CALN1: variants seen among roughly 807,000 people sequenced by gnomAD.
CALN1 encodes calcium-binding protein 8.
A neutral mutation model predicts 30.6 loss-of-function variants in CALN1; 17 were observed. The observed-to-expected ratio is 0.56, with a 90% CI of 0.38 to 0.83. CALN1 has a LOEUF of 0.83. Ranked by LOEUF, CALN1 falls within the 40% of genes least tolerant of loss-of-function variation. The pLI, the probability that CALN1 is intolerant of heterozygous loss-of-function variation, is 0.00. For missense variants in CALN1, 291 were observed against 354.9 expected (o/e 0.82, Z 1.45); for synonymous variants, 156 against 131.4 (o/e 1.19, Z -1.28).
intron 3 of CALN1, among the ~76,000 whole-genome samples, chr7:72,174,591 T>G (rs1384844994): frequency 6.6e-6 from 1 of 152,096 alleles, no homozygotes; most frequent in South Asian, 2.1e-4. Context: ...AAACTACAGA[T>G]ACATAACAAC....
chr7:72,238,055 G>A (rs1300495012), intron 3 of CALN1, among the ~76,000 whole-genome samples: 2 of 152,144 alleles, frequency 1.3e-5, no homozygotes, highest in East Asian at 3.9e-4. Context: ...AAACAAGGAA[G>A]CCCTACAGAA....
At chr7:72,045,600 C>T (rs189026818) in intron 4 of CALN1, among the ~76,000 whole-genome samples, 16 of 152,282 alleles carry the variant, frequency 1.1e-4, no homozygotes, top group Admixed American at 7.9e-4. Context: ...ACAATCACAG[C>T]TGACTGCAGC....
chr7:72,436,979 A>C (rs888660694), intron 1 of CALN1, among the ~76,000 whole-genome samples: 2 of 151,870 alleles, frequency 1.3e-5, no homozygotes, highest in African/African-American at 4.8e-5. Flanking sequence ...CTAAGCAGGG[A>C]GGCTTGAGCT....
rs1034014808 is a variant in CALN1, at chr7:72,403,250, C to G, written c.119+1G>C. 1.9e-5 allele frequency: 29 copies of G among 1,547,986 alleles called. No individual in the cohort carries two copies. Among genetic ancestry groups the G allele is most frequent in the Non-Finnish European group, 2.4e-5 (28 of 1,146,242 alleles). On this transcript the variant is annotated splice_donor_variant, in intron 2 of 6. Transcript: ENST00000395275. LOFTEE classifies it high-confidence loss of function. ...CTTGGGTTTGGGGGAAGAAGACTTG[C>G]CAGGTGGGGAAGTCGGGGGCCTGGC...
intron 6 of CALN1, among the ~76,000 whole-genome samples, chr7:71,794,077 T>C (rs1418993740): frequency 1.3e-5 from 2 of 152,118 alleles, no homozygotes; most frequent in Non-Finnish European, 2.9e-5. Context: ...AGAGGTTGCA[T>C]AGTGGCAGAT....
At chr7:72,208,190 T>C (rs961216224) in intron 3 of CALN1, among the ~76,000 whole-genome samples, 1 of 152,218 alleles carries the variant, frequency 6.6e-6, no homozygotes, top group Admixed American at 6.5e-5. Context: ...AAAATCCTGA[T>C]TCACATAGAT....
intron 5 of CALN1, among the ~76,000 whole-genome samples, chr7:71,811,016 T>C (rs1787921533): frequency 6.6e-6 from 1 of 151,194 alleles, no homozygotes; most frequent in African/African-American, 2.4e-5. Flanking sequence ...TGCCTCAGCC[T>C]CCGTAGTAGC....
At chr7:72,484,828 A>G in the CALN1 span, among the ~76,000 whole-genome samples, 3 of 151,984 alleles carry the variant, frequency 2.0e-5, no homozygotes, top group Non-Finnish European at 4.4e-5. Flanking sequence ...ATCTCATTTC[A>G]TCTCTTAGGG....
intron 3 of CALN1, among the ~76,000 whole-genome samples, chr7:72,193,582 CAT>C (rs1790777437): frequency 1.3e-5 from 2 of 152,130 alleles, no homozygotes. Flanking sequence ...GCCCACTACA[CAT>C]GTGGGCTAGA....
intron 2 of CALN1, among the ~76,000 whole-genome samples, chr7:72,331,901 G>C (rs1164808420): frequency 6.6e-6 from 1 of 152,084 alleles, no homozygotes; most frequent in Non-Finnish European, 1.5e-5. Context: ...GCATCCCCAT[G>C]GGTCCATATG....
intron 2 of CALN1, among the ~76,000 whole-genome samples, chr7:72,297,386 CAATA>C (rs942516785): frequency 2.0e-5 from 3 of 151,804 alleles, no homozygotes; most frequent in African/African-American, 7.3e-5. Context: ...AGAACAAAAC[CAATA>C]AACAACAAAT....
chr7:72,294,100 C>A lies in CALN1; in HGVS notation c.120-15290G>T, dbSNP rs903965677. On this transcript the variant is annotated intron_variant, in intron 2 of 6. Coordinates refer to ENST00000395275, the MANE Select transcript of CALN1 (RefSeq NM_031468.4). ...GCGACAGAGCATATCCACAAAAAAA[C>A]AAAATGAGATTCAGTTTCCTTCAGA... 6.6e-5 allele frequency among the ~76,000 whole-genome samples: 10 copies of A among 151,862 alleles called. 1 individual carries two copies. Among genetic ancestry groups the A allele is most frequent in the African/African-American group, 1.7e-4 (7 of 41,382 alleles).
chr7:72,356,491 G>C (rs1048666799), intron 2 of CALN1, among the ~76,000 whole-genome samples: 6 of 151,786 alleles, frequency 4.0e-5, no homozygotes, highest in African/African-American at 1.5e-4. Flanking sequence ...ATATACCAGT[G>C]GGTCAAGGAT....
At position 72,023,727 on chromosome 7, in the gene CALN1, C is replaced by G; in HGVS notation, c.431G>C (p.Gly144Ala). 6.2e-7 allele frequency: 1 copy of G among 1,613,908 alleles called. No homozygotes were observed. The highest frequency in any genetic ancestry group is 8.5e-7 in the Non-Finnish European group (1 of 1,179,914). ...ACCTTCTGAAGACACCAGTTTGGGG[C>G]CAAGAATGGTCATGAATTCATCAAA... ...VDFDEFMTILGPKLVSSEGRD... is the reference protein window; with the variant it reads ...VDFDEFMTILAPKLVSSEGRD... The change falls in exon 5 of 7, where the codon GGC (glycine) becomes GCC (alanine). Residue 144 changes from glycine to alanine, a missense_variant. Gly to Ala is a moderately conservative substitution (Grantham distance 60). Coordinates refer to ENST00000395275, the MANE Select transcript of CALN1 (RefSeq NM_031468.4).
chr7:71,935,171 T>A (rs1795764035), intron 5 of CALN1, among the ~76,000 whole-genome samples: 1 of 152,092 alleles, frequency 6.6e-6, no homozygotes, highest in Non-Finnish European at 1.5e-5. Flanking sequence ...TGAAAAAGCT[T>A]GAGGGGTCCA....
At chr7:71,855,185 G>C (rs562390246) in intron 5 of CALN1, among the ~76,000 whole-genome samples, 16 of 152,278 alleles carry the variant, frequency 1.1e-4, no homozygotes, top group African/African-American at 3.9e-4. Context: ...TTCTAGCGTC[G>C]TTCTCCAAGT....
intron 4 of CALN1, among the ~76,000 whole-genome samples, chr7:72,045,960 T>C (rs907338352): frequency 6.9e-5 from 10 of 145,396 alleles, no homozygotes; most frequent in Admixed American, 6.3e-4. Flanking sequence ...GATCGTGCCA[T>C]TGCACTCCAG....
intron 5 of CALN1, among the ~76,000 whole-genome samples, chr7:71,996,564 A>G (rs1799263496): frequency 6.6e-6 from 1 of 152,084 alleles, no homozygotes; most frequent in South Asian, 2.1e-4. Context: ...ACATGATCTC[A>G]TTCTGTTTTA....
In CALN1 at chr7:71,838,516, T is replaced by C. The variant is rs975599597; in HGVS notation, c.502-28024A>G. Reference sequence around the variant, plus strand: ...TCATAGCTTGAGCCCAGTCTTGAACTCCTGGGCTCAAGTGATCCTTTTGTC... The same window carrying C: ...TCATAGCTTGAGCCCAGTCTTGAACCCCTGGGCTCAAGTGATCCTTTTGTC... On this transcript the variant is annotated intron_variant, in intron 5 of 6. Transcript: ENST00000395275. Among the ~76,000 whole-genome samples, 8 of 152,258 alleles carry C rather than the reference T, an allele frequency of 5.3e-5. No homozygotes were observed. In the South Asian group the frequency reaches 6.2e-4, roughly 12 times the overall value.
Sources: allele counts gnomAD v4.1 joint callset (sites outside exome capture counted in the v4.1 genomes callset), GRCh38; gene constraint gnomAD v4.1.1; transcripts MANE v1.5; gene names NCBI Gene and HGNC (gene_info 2026-07-23, HGNC 2026-07-21).